KLHL5: variants seen among roughly 807,000 people sequenced by gnomAD.
KLHL5 encodes kelch like family member 5.
Under a neutral mutation model 77.7 loss-of-function variants are expected in KLHL5, and 48 were observed. The observed-to-expected ratio is 0.62, with a 90% confidence interval of 0.49 to 0.79. The LOEUF (loss-of-function observed/expected upper bound fraction) is 0.79, where lower values mean the gene tolerates loss of function less well. Ranked by LOEUF, KLHL5 falls within the 30% of genes least tolerant of loss-of-function variation. The pLI is 0.00. For missense variants in KLHL5, 723 were observed against 859.7 expected (o/e 0.84, Z 1.99); for synonymous variants, 260 against 297.0 (o/e 0.88, Z 1.28).
At chr4:39,112,991 A>G (rs1722563866) in intron 8 of KLHL5, 29 bp from the exon 9 acceptor site, 1 of 1,589,836 alleles carries the variant, frequency 6.3e-7, no homozygotes, top group South Asian at 1.1e-5. Flanking sequence ...CACATGTCTT[A>G]TTTATCATTT....
chr4:39,050,341 G>A (rs1716541718), intron 1 of KLHL5, among the ~76,000 whole-genome samples: 1 of 152,154 alleles, frequency 6.6e-6, no homozygotes. Flanking sequence ...TGTTAGAAAA[G>A]GAATATAGTT....
At chr4:39,056,576 C>T (rs992503454) in intron 1 of KLHL5, among the ~76,000 whole-genome samples, 19 of 152,020 alleles carry the variant, frequency 1.2e-4, no homozygotes, top group South Asian at 8.3e-4. Context: ...TTTGTGGTAT[C>T]GAGTGAATAG....
intron 1 of KLHL5, among the ~76,000 whole-genome samples, chr4:39,074,441 G>A (rs1031969165): frequency 3.3e-5 from 5 of 152,036 alleles, no homozygotes; most frequent in Non-Finnish European, 7.4e-5. Context: ...CCTTCAACCC[G>A]TGTATAGAGA....
chr4:39,124,802 CAAAA>C lies in KLHL5; in HGVS notation c.*3757_*3760del, dbSNP rs71643268. On this transcript the variant is annotated 3_prime_UTR_variant, in exon 11 of 11. Transcript: ENST00000504108. ...GCACCAAAAGCACAAGCAACAACAG[CAAAA>C]AAAAAAAAAAAAAAAAAAAATCAAA... Among the ~76,000 whole-genome samples the C allele has an allele frequency of 6.8e-5, 3 of 44,124 alleles. No individual in the cohort carries two copies. The highest frequency in any genetic ancestry group is 1.2e-3 in the South Asian group (1 of 850). 28.9% of individuals were successfully genotyped at this position (44,124 alleles called of 152,430 possible).
chr4:39,073,188 C>A (rs1718654793), intron 1 of KLHL5, among the ~76,000 whole-genome samples: 1 of 152,136 alleles, frequency 6.6e-6, no homozygotes, highest in African/African-American at 2.4e-5. Context: ...GACTGAAATG[C>A]TCCCTGGGTT....
At chr4:39,064,567 T>C (rs897618052) in intron 1 of KLHL5, among the ~76,000 whole-genome samples, 1 of 152,186 alleles carries the variant, frequency 6.6e-6, no homozygotes, top group Non-Finnish European at 1.5e-5. Context: ...TAACATGTTA[T>C]CTACTACTGG....
intron 10 of KLHL5, chr4:39,115,650 AT>A (rs1191735247): frequency 8.2e-6 from 11 of 1,334,846 alleles, no homozygotes; most frequent in Non-Finnish European, 1.0e-5. Flanking sequence ...AGACTGGAAA[AT>A]AAAAACAAGG....
chr4:39,069,567 T>TAA (rs1553888295), intron 1 of KLHL5, among the ~76,000 whole-genome samples: 5 of 101,266 alleles, frequency 4.9e-5, no homozygotes, highest in Admixed American at 1.1e-4. Context: ...TATATATATA[T>TAA]AAACCATAGA....
At chr4:39,084,252 G>A (rs370676704) in intron 4 of KLHL5, among the ~76,000 whole-genome samples, 5 of 152,072 alleles carry the variant, frequency 3.3e-5, no homozygotes, top group East Asian at 3.9e-4. Context: ...GATCCTGCAC[G>A]AATACAAGTG....
At chr4:39,048,638 C>CTTTTTTTTTTTTTTTTTTTTTTTTTTT (rs34713116) in intron 1 of KLHL5, among the ~76,000 whole-genome samples, 4 of 79,134 alleles carry the variant, frequency 5.1e-5, no homozygotes, top group African/African-American at 2.2e-4. Flanking sequence ...TTTACATTGG[C>CTTTTTTTTTTTTTTTTTTTTTTTTTTT]TTTTTTTTTT....
chr4:39,075,947 G>GTTTTTTTT lies in KLHL5; in HGVS notation c.384-16_384-9dup. On this transcript the variant is annotated splice_polypyrimidine_tract_variant and intron_variant, in intron 1 of 10. Coordinates refer to ENST00000504108, the MANE Select transcript of KLHL5 (RefSeq NM_015990.5). Reference sequence around the variant, plus strand: ...GTGATAGTGATATTTCAAAATGTGTGTTTTTTTTTCTTTTCAGGACTTCCA... The same window carrying GTTTTTTTT: ...GTGATAGTGATATTTCAAAATGTGTGTTTTTTTTTTTTTTTTTCTTTTCAGGACTTCCA... 1 of 1,546,986 alleles carries GTTTTTTTT rather than the reference G, an allele frequency of 6.5e-7. No individual in the cohort carries two copies. The highest frequency in any genetic ancestry group is 8.8e-7 in the Non-Finnish European group (1 of 1,138,930).
At chr4:39,086,426 A>T in intron 4 of KLHL5, 89 bp from the exon 5 acceptor site, 2 of 925,140 alleles carry the variant, frequency 2.2e-6, no homozygotes, top group Non-Finnish European at 3.5e-6. Flanking sequence ...GTGTGTTGGT[A>T]GCTAATATAA....
chr4:39,107,796 C>G, intron 8 of KLHL5, 65 bp downstream of exon 8: 1 of 1,240,128 alleles, frequency 8.1e-7, no homozygotes, highest in Non-Finnish European at 1.1e-6. Flanking sequence ...TATATCATTT[C>G]TAATTTAAAG....
chr4:39,141,676 C>A, the KLHL5 span, among the ~76,000 whole-genome samples: 1 of 151,620 alleles, frequency 6.6e-6, no homozygotes, highest in Non-Finnish European at 1.5e-5. Context: ...TTGTGCCCAG[C>A]AAATTGTGCC....
chr4:39,087,584 A>C (rs1404531789), intron 5 of KLHL5, among the ~76,000 whole-genome samples: 1 of 152,222 alleles, frequency 6.6e-6, no homozygotes, highest in Non-Finnish European at 1.5e-5. Context: ...GCTATGAATA[A>C]AAATATTATT....
intron 4 of KLHL5, among the ~76,000 whole-genome samples, chr4:39,085,322 C>A (rs1438206110): frequency 6.6e-6 from 1 of 152,002 alleles, no homozygotes; most frequent in Non-Finnish European, 1.5e-5. Flanking sequence ...GAATGTCAAG[C>A]TAATATATAT....
intron 1 of KLHL5, among the ~76,000 whole-genome samples, chr4:39,056,154 G>T (rs1450960403): frequency 6.6e-6 from 1 of 152,128 alleles, no homozygotes; most frequent in Non-Finnish European, 1.5e-5. Context: ...TGTCAATCTT[G>T]CCCTGTTGCC....
At chr4:39,077,738 A>T (rs1719214149) in intron 2 of KLHL5, among the ~76,000 whole-genome samples, 1 of 151,706 alleles carries the variant, frequency 6.6e-6, no homozygotes, top group Non-Finnish European at 1.5e-5. Context: ...AAAAACTAAA[A>T]GTAGATCTAC....
At chr4:39,120,849 C>G (rs765824489) in intron 10 of KLHL5, among the ~76,000 whole-genome samples, 161 bp from the exon 11 acceptor site, 1 of 152,222 alleles carries the variant, frequency 6.6e-6, no homozygotes, top group Non-Finnish European at 1.5e-5. Flanking sequence ...GAAGGTGGCT[C>G]TTGGGAAGGG....
Sources: gnomAD v4.1 joint callset for allele counts (sites outside exome capture counted in the v4.1 genomes callset) on GRCh38, gnomAD v4.1.1 for gene constraint, MANE v1.5 for transcripts, NCBI Gene and HGNC (gene_info 2026-07-23, HGNC 2026-07-21) for gene names.